Variants in FAT2 observed in about 807,000 individuals in gnomAD.
The protein encoded by FAT2 is protocadherin Fat 2.
Under a neutral mutation model 295.3 loss-of-function variants are expected in FAT2, and 150 were observed. That is an observed-to-expected ratio of 0.51 (90% CI 0.44 to 0.58). FAT2 has a LOEUF of 0.58. FAT2 is among the 20% of genes least tolerant of loss of function. The pLI is 0.00. For synonymous variants in FAT2, 2,026 were observed against 2,150.3 expected (o/e 0.94, Z 1.60); for missense variants, 4,868 against 5,442.7 (o/e 0.89, Z 3.32).
intron 18 of FAT2, 44 bp from the exon 19 acceptor site, chr5:151,522,130 T>C (rs1273809010): frequency 6.8e-7 from 1 of 1,460,846 alleles, no homozygotes; most frequent in East Asian, 2.4e-5. Flanking sequence ...AGAACTGCAG[T>C]GCTCTTGCGC....
chr5:151,534,214 C>T (rs1330982153), intron 13 of FAT2, among the ~76,000 whole-genome samples, 195 bp downstream of exon 13: 1 of 152,220 alleles, frequency 6.6e-6, no homozygotes, highest in Non-Finnish European at 1.5e-5. Context: ...TGCTTCAAAA[C>T]ATTGCTAAAA....
Position 151,550,735 on chromosome 5 carries a change from C to G in FAT2, c.4433G>C (p.Gly1478Ala), listed in dbSNP as rs1757120153. 6.2e-7 allele frequency: 1 copy of G among 1,613,992 alleles called. No homozygotes were observed. Among genetic ancestry groups the G allele is most frequent in the Non-Finnish European group, 8.5e-7 (1 of 1,180,032 alleles). The change falls in exon 8 of 24, where the codon GGC becomes GCC. Residue 1478 changes from glycine (G) to alanine (A), a missense_variant. By Grantham distance (60) the Gly-to-Ala change is moderately conservative (BLOSUM62 0). Coordinates refer to ENST00000261800, the MANE Select transcript of FAT2 (RefSeq NM_001447.3). ...ATGTATGGTATAGATGAGGCTTTTG[C>G]CCTTGTCTTGATCTATGGCCTGGAC... The part of the protein sequence containing the change: ...LRVQAIDQDK[G>A]KSLIYTIHGS...
rs768549620 is a variant in FAT2 at position 151,525,982 on chromosome 5, C to T, written c.10309-17G>A. On this transcript the variant is annotated splice_polypyrimidine_tract_variant and intron_variant, in intron 17 of 23. Transcript: ENST00000261800. ...GGAGTTCTCCTGAGACCGAGAGTGA[C>T]AAAGAAGGCAAAGAGCAGAATGAGT... 6.2e-7 allele frequency: 1 copy of T among 1,611,758 alleles called. No homozygotes were observed.
In FAT2 at chr5:151,571,338, C is replaced by G. The variant is rs141388214; in HGVS notation, c.-20-2387G>C. Reference sequence around the variant, plus strand: ...GGGAAAGTGAGTCCTCACCCCAGTCCCAGGTCCACTGGCTCCACAGCTCTG... The same window carrying G: ...GGGAAAGTGAGTCCTCACCCCAGTCGCAGGTCCACTGGCTCCACAGCTCTG... On this transcript the variant is annotated intron_variant, in intron 1 of 23. Coordinates refer to ENST00000261800, the MANE Select transcript of FAT2 (RefSeq NM_001447.3). Among the ~76,000 whole-genome samples, 904 of 152,136 alleles carry G rather than the reference C, an allele frequency of 5.9e-3. 1 individual carries two copies. Among genetic ancestry groups the G allele is most frequent in the Non-Finnish European group, 9.0e-3 (609 of 68,010 alleles).
chr5:151,534,727 A>G (rs998314025), intron 12 of FAT2, 85 bp from the exon 13 acceptor site: 42 of 1,148,322 alleles, frequency 3.7e-5, no homozygotes, highest in Non-Finnish European at 5.1e-5. Flanking sequence ...CAGGAGACAA[A>G]CCCAGCCACA....
chr5:151,520,893 G>A (rs1272853538), intron 19 of FAT2, among the ~76,000 whole-genome samples: 2 of 152,218 alleles, frequency 1.3e-5, no homozygotes, highest in Non-Finnish European at 2.9e-5. Flanking sequence ...TTGATACATA[G>A]TACTGATGTA....
intron 3 of FAT2, 23 bp from the exon 4 acceptor site, chr5:151,556,425 G>T (rs759264614): frequency 1.9e-6 from 3 of 1,598,404 alleles, no homozygotes; most frequent in Non-Finnish European, 2.6e-6. Flanking sequence ...TGATAAGGGA[G>T]AGACATGAGC....
At chr5:151,585,138 T>C (rs1034485403) in intron 1 of FAT2, among the ~76,000 whole-genome samples, 3 of 152,172 alleles carry the variant, frequency 2.0e-5, no homozygotes, top group Non-Finnish European at 4.4e-5. Context: ...CAATAGTAAA[T>C]AGCCCCTAAA....
chr5:151,505,452 A>G lies in FAT2; in HGVS notation c.*113T>C, dbSNP rs2127561931. Reference sequence around the variant, plus strand: ...TTTCAAGGGACAACAGCCTGGGCTGAGGGCTTCCCTCCCACTCTCCCAGCC... The same window carrying G: ...TTTCAAGGGACAACAGCCTGGGCTGGGGGCTTCCCTCCCACTCTCCCAGCC... On this transcript the variant is annotated 3_prime_UTR_variant, in exon 24 of 24. Transcript: ENST00000261800. 1 of 1,289,606 alleles carries G rather than the reference A, an allele frequency of 7.8e-7. No individual in the cohort carries two copies. The highest frequency in any genetic ancestry group is 2.4e-5 in the Admixed American group (1 of 41,968). The allele number at this position is 1,289,606 out of a possible 1,614,324, so 79.9% of individuals were successfully genotyped here.
intron 1 of FAT2, among the ~76,000 whole-genome samples, chr5:151,576,583 AAG>A (rs1166962969): frequency 6.6e-6 from 1 of 152,244 alleles, no homozygotes; most frequent in Non-Finnish European, 1.5e-5. Flanking sequence ...ATACGAAAGA[AAG>A]AAAAACTTTT....
chr5:151,507,436 C>A lies in FAT2; in HGVS notation c.12235G>T (p.Val4079Leu). The change falls in exon 23 of 24, where the codon GTG becomes TTG. Residue 4079 changes from valine (V) to leucine (L), a missense_variant. Val to Leu is a conservative substitution (Grantham distance 32). Coordinates refer to ENST00000261800, the MANE Select transcript of FAT2 (RefSeq NM_001447.3). Reference protein sequence around the residue: ...YCRRCKSHKPVAMEDPDLLAR... With the variant: ...YCRRCKSHKPLAMEDPDLLAR... ...AGGAGGTCTGGGTCCTCCATGGCCA[C>A]AGGCTTGTGAGACTTGCAACGGCGG... 6.2e-7 allele frequency: 1 copy of A among 1,614,204 alleles called. No individual in the cohort carries two copies. Among genetic ancestry groups the A allele is most frequent in the South Asian group, 1.1e-5 (1 of 91,078 alleles).
chr5:151,517,013 C>T (rs1752937702), intron 20 of FAT2, among the ~76,000 whole-genome samples: 1 of 151,432 alleles, frequency 6.6e-6, no homozygotes, highest in South Asian at 2.1e-4. Context: ...GAAGCTGAGG[C>T]AGGAGAATCG....
At chr5:151,589,874 CAGAG>C (rs1348044545) in intron 1 of FAT2, among the ~76,000 whole-genome samples, 1 of 152,038 alleles carries the variant, frequency 6.6e-6, no homozygotes, top group Non-Finnish European at 1.5e-5. Context: ...GCCTGGGTGA[CAGAG>C]AGAGACCCTG....
At chr5:151,576,244 T>A (rs1035502752) in intron 1 of FAT2, among the ~76,000 whole-genome samples, 10 of 152,346 alleles carry the variant, frequency 6.6e-5, no homozygotes, top group African/African-American at 2.4e-4. Flanking sequence ...GGGGTATTTT[T>A]AAAATGGTTA....
At chr5:151,516,746 T>C (rs1752910805) in intron 20 of FAT2, among the ~76,000 whole-genome samples, 1 of 152,192 alleles carries the variant, frequency 6.6e-6, no homozygotes, top group African/African-American at 2.4e-5. Context: ...ACATAGTAGA[T>C]GCTCAATAAA....
intron 11 of FAT2, among the ~76,000 whole-genome samples, chr5:151,538,335 T>G (rs945488257): frequency 5.3e-5 from 8 of 152,170 alleles, no homozygotes; most frequent in Non-Finnish European, 8.8e-5. Context: ...AAGATGGGCC[T>G]GATATAGGCA....
intron 15 of FAT2, among the ~76,000 whole-genome samples, chr5:151,528,718 G>T (rs1242660514): frequency 6.6e-6 from 1 of 152,046 alleles, no homozygotes; most frequent in Non-Finnish European, 1.5e-5. Flanking sequence ...TGGGAGTATG[G>T]GTGGACAGAA....
At chr5:151,565,647 A>AGGCCCCC in intron 2 of FAT2, 26 bp downstream of exon 2, 2 of 1,461,026 alleles carry the variant, frequency 1.4e-6, no homozygotes, top group Non-Finnish European at 1.9e-6. Flanking sequence ...TGGCCCTGGC[A>AGGCCCCC]CCCCACCCTA....
Position 151,544,468 on chromosome 5 carries a change from A to C in FAT2, c.6659T>G (p.Phe2220Cys), listed in dbSNP as rs1416964121. 6.2e-7 allele frequency: 1 copy of C among 1,614,140 alleles called. No individual in the cohort carries two copies. The highest frequency in any genetic ancestry group is 2.2e-5 in the East Asian group (1 of 44,878). The change falls in exon 10 of 24, where the codon TTC becomes TGC. Residue 2220 changes from phenylalanine (F) to cysteine (C), a missense_variant. This residue lies in a region of FAT2 where 3,297 missense variants were observed against 3,669.4 expected (regional missense o/e 0.90). Coordinates refer to ENST00000261800, the MANE Select transcript of FAT2 (RefSeq NM_001447.3). The stretch of plus-strand genomic sequence containing the variant: ...TGTTACTGTTAGGACACCAGTCTTG[A>C]AGTCAGTGGTGAACAGCATCAAGGG... Reference protein sequence around the residue: ...EEPLMLFTTDFKTGVLTVTGP... With the variant: ...EEPLMLFTTDCKTGVLTVTGP...
Sources: allele counts gnomAD v4.1 joint callset (sites outside exome capture counted in the v4.1 genomes callset), GRCh38; gene constraint gnomAD v4.1.1; regional missense constraint gnomAD v4.1.1; transcripts MANE v1.5; gene names NCBI Gene and HGNC (gene_info 2026-07-23, HGNC 2026-07-21).